RASSF3: variants seen among roughly 807,000 people sequenced by gnomAD.
RASSF3 encodes the protein Ras association domain family member 3, also known as ras association domain-containing protein 3.
Under a neutral mutation model 19.9 loss-of-function variants are expected in RASSF3, and 19 were observed. The observed-to-expected ratio is 0.96, with a 90% CI of 0.67 to 1.40. The LOEUF (loss-of-function observed/expected upper bound fraction) is 1.40. Among genes scored for constraint, RASSF3 ranks in the 40% most tolerant of loss-of-function variants. The pLI, the probability that RASSF3 is intolerant of heterozygous loss-of-function variation, is 0.00. For missense variants in RASSF3, 306 were observed against 289.8 expected, an observed-to-expected ratio of 1.06 and a Z score of -0.41; for synonymous variants, 110 against 104.2, an observed-to-expected ratio of 1.06 and a Z score of -0.34.
intron 1 of RASSF3, among the ~76,000 whole-genome samples, chr12:64,614,694 CTTTTCT>C (rs1188851464): frequency 4.2e-5 from 5 of 119,878 alleles, no homozygotes; most frequent in East Asian, 4.8e-4. Context: ...AATTTCTTTT[CTTTTCT>C]TTTTTTTTTT....
Position 64,610,531 on chromosome 12 carries a change from G to T in RASSF3, c.-102G>T. 4.6e-6 allele frequency: 2 copies of T among 430,596 alleles called. No homozygotes were observed. The highest frequency in any genetic ancestry group is 7.4e-6 in the Non-Finnish European group (2 of 269,192). 26.7% of individuals were successfully genotyped at this position (430,596 alleles called of 1,614,324 possible). On this transcript the variant is annotated 5_prime_UTR_variant, in exon 1 of 5. Coordinates refer to ENST00000542104, the MANE Select transcript of RASSF3 (RefSeq NM_178169.4). Reference sequence around the variant, plus strand: ...GGCCGCAGCTGCATAAGGACTGCCCGGGGCTGCGCGCCGGGAACCTCGCGG... The same window carrying T: ...GGCCGCAGCTGCATAAGGACTGCCCTGGGCTGCGCGCCGGGAACCTCGCGG...
chr12:64,661,240 C>T (rs905513490), intron 1 of RASSF3, among the ~76,000 whole-genome samples: 2 of 152,182 alleles, frequency 1.3e-5, no homozygotes, highest in Non-Finnish European at 2.9e-5. Flanking sequence ...GGCATGGTGG[C>T]TGATGCCTGT....
intron 2 of RASSF3, among the ~76,000 whole-genome samples, chr12:64,559,854 G>A (rs527502406): frequency 1.6e-4 from 25 of 152,274 alleles, no homozygotes; most frequent in African/African-American, 4.3e-4. Flanking sequence ...GTTCCTGCTC[G>A]CTAATTCTTA....
chr12:64,666,365 C>CTT (rs78645421), intron 1 of RASSF3, among the ~76,000 whole-genome samples: 2,023 of 150,958 alleles, frequency 0.013, 43 homozygotes, highest in African/African-American at 0.047. Context: ...CTTTCTTTTG[C>CTT]TTTTTTTTTG....
chr12:64,635,651 A>G (rs1262502415), intron 1 of RASSF3, among the ~76,000 whole-genome samples: 1 of 152,228 alleles, frequency 6.6e-6, no homozygotes, highest in Non-Finnish European at 1.5e-5. Context: ...AGATTAACCA[A>G]CGTTAGAAAC....
rs149674714 is a variant in RASSF3 at position 64,591,433 on chromosome 12, G to A, written c.294+49728G>A. On this transcript the variant is annotated intron_variant, in intron 2 of 5. Coordinates refer to the RASSF3 transcript ENST00000637125. ...GGAGGTTGCAGTGAGCCGAGATCCC[G>A]CCACTGCACTCCAGGCCCGGGCCAC... 7.0e-4 allele frequency among the ~76,000 whole-genome samples: 106 copies of A among 151,408 alleles called. 2 individuals carry two copies. The East Asian group carries it at 0.02, about 28-fold the overall frequency.
chr12:64,641,239 T>C (rs1871506854), intron 1 of RASSF3, among the ~76,000 whole-genome samples: 1 of 150,952 alleles, frequency 6.6e-6, no homozygotes, highest in Non-Finnish European at 1.5e-5. Context: ...CCACTAAATA[T>C]ACAAAAACTA....
intron 1 of RASSF3, among the ~76,000 whole-genome samples, chr12:64,615,019 C>T (rs1870504197): frequency 6.6e-6 from 1 of 152,102 alleles, no homozygotes; most frequent in Non-Finnish European, 1.5e-5. Context: ...ATTTCAACTC[C>T]CTGACCTGCA....
At chr12:64,547,039 G>T (rs912828053) in intron 2 of RASSF3, among the ~76,000 whole-genome samples, 1 of 151,912 alleles carries the variant, frequency 6.6e-6, no homozygotes, top group South Asian at 2.1e-4. Flanking sequence ...TTGGGAAGCC[G>T]AGGCATGTGG....
At chr12:64,645,996 C>T (rs913814745) in intron 1 of RASSF3, among the ~76,000 whole-genome samples, 1 of 152,246 alleles carries the variant, frequency 6.6e-6, no homozygotes, top group African/African-American at 2.4e-5. Flanking sequence ...GCAGTATGCA[C>T]TCTTGCAGCT....
intron 1 of RASSF3, among the ~76,000 whole-genome samples, chr12:64,518,130 TAATC>T (rs1440292765): frequency 6.6e-6 from 1 of 152,126 alleles, no homozygotes; most frequent in East Asian, 1.9e-4. Flanking sequence ...GATAAAAAAT[TAATC>T]ATTCATAGTT....
At chr12:64,507,814 T>C (rs571952338) in intron 1 of RASSF3, among the ~76,000 whole-genome samples, 2 of 152,322 alleles carry the variant, frequency 1.3e-5, no homozygotes, top group African/African-American at 4.8e-5. Context: ...TTTAGGTATT[T>C]ATTGATGTGA....
At chr12:64,614,699 CTTT>C (rs11334564) in intron 1 of RASSF3, among the ~76,000 whole-genome samples, 35 of 129,454 alleles carry the variant, frequency 2.7e-4, no homozygotes, top group African/African-American at 5.2e-4. Context: ...CTTTTCTTTT[CTTT>C]TTTTTTTTTT....
intron 2 of RASSF3, among the ~76,000 whole-genome samples, chr12:64,594,780 G>A (rs1869973995): frequency 6.6e-6 from 1 of 151,906 alleles, no homozygotes; most frequent in Non-Finnish European, 1.5e-5. Flanking sequence ...TTTGAGCTGG[G>A]GGTGGTACGG....
upstream of RASSF3, among the ~76,000 whole-genome samples, chr12:64,606,814 C>CA: frequency 6.6e-6 from 1 of 151,876 alleles, no homozygotes; most frequent in African/African-American, 2.4e-5. Context: ...GACTGCGTCT[C>CA]AAAAAAACAA....
chr12:64,614,300 A>G (rs1248294391), intron 1 of RASSF3, among the ~76,000 whole-genome samples: 1 of 151,818 alleles, frequency 6.6e-6, no homozygotes, highest in Non-Finnish European at 1.5e-5. Flanking sequence ...TATCCAGCTA[A>G]ATTTTGTAGT....
Position 64,695,267 on chromosome 12 carries a change from A to AT in RASSF3, c.*361dup, listed in dbSNP as rs1191288141. 1 of 179,066 alleles carries AT rather than the reference A, an allele frequency of 5.6e-6. No individual in the cohort carries two copies. The highest frequency in any genetic ancestry group is 2.4e-5 in the African/African-American group (1 of 42,152). The allele number at this position is 179,066 out of a possible 1,614,324, so 11.1% of individuals were successfully genotyped here. A position where few individuals can be genotyped will look rare whatever the true frequency, so the allele number is the denominator to read the frequency against. ...TGTTAAGCTTACAGATATGCAGTTGATTTTTTAAAAAGCTTAACTAGGAAT... is the reference window on the plus strand; with the variant it reads ...TGTTAAGCTTACAGATATGCAGTTGATTTTTTTAAAAAGCTTAACTAGGAAT... On this transcript the variant is annotated 3_prime_UTR_variant, in exon 5 of 5. Transcript: ENST00000542104.
At chr12:64,659,551 C>A (rs1276661188) in intron 1 of RASSF3, among the ~76,000 whole-genome samples, 2 of 151,984 alleles carry the variant, frequency 1.3e-5, no homozygotes, top group Non-Finnish European at 2.9e-5. Flanking sequence ...AAATCAGAGT[C>A]TTTGTTTTCC....
rs748393303 is a variant in RASSF3 at position 64,610,731 on chromosome 12, C to A, written c.99C>A (p.Arg33=). Reference sequence around the variant, plus strand: ...GGAGAGCGCCCCAGGGCAAGCCCCGCTCCGGCCAACAAGTGAGTGGCGCGC... The same window carrying A: ...GGAGAGCGCCCCAGGGCAAGCCCCGATCCGGCCAACAAGTGAGTGGCGCGC... ...FFRRAPQGKP[R]SGQQDVEKEK... is the part of the protein sequence containing the mutation. Residue 33 remains arginine (R), a synonymous_variant, in exon 1 of 5, where the codon CGC becomes CGA. Coordinates refer to ENST00000542104, the MANE Select transcript of RASSF3 (RefSeq NM_178169.4). The A allele has an allele frequency of 6.3e-7, 1 of 1,588,490 alleles. No homozygotes were observed. Among genetic ancestry groups the A allele is most frequent in the Non-Finnish European group, 8.6e-7 (1 of 1,169,024 alleles).
Sources: allele counts gnomAD v4.1 joint callset (sites outside exome capture counted in the v4.1 genomes callset), GRCh38; gene constraint gnomAD v4.1.1; transcripts MANE v1.5; gene names NCBI Gene and HGNC (gene_info 2026-07-23, HGNC 2026-07-21).